SPATS2L: variants seen among roughly 807,000 people sequenced by gnomAD.
SPATS2L encodes the protein SPATS2-like protein.
A neutral mutation model predicts 59.6 loss-of-function variants in SPATS2L; 30 were observed. That is an observed-to-expected ratio of 0.50 (90% CI 0.38 to 0.68). The LOEUF (loss-of-function observed/expected upper bound fraction) is 0.68, where lower values mean the gene tolerates loss of function less well. SPATS2L is among the 30% of genes least tolerant of loss of function. The probability of loss-of-function intolerance (pLI) is 0.00; values close to 1 mark genes in which losing one functional copy is unlikely to be tolerated. For synonymous variants in SPATS2L, 252 were observed against 263.5 expected, an observed-to-expected ratio of 0.96 and a Z score of 0.42; for missense variants, 615 against 700.0, an observed-to-expected ratio of 0.88 and a Z score of 1.37.
intron 1 of SPATS2L, among the ~76,000 whole-genome samples, chr2:200,315,009 G>T (rs370176385): frequency 1.3e-5 from 2 of 152,090 alleles, no homozygotes; most frequent in Non-Finnish European, 2.9e-5. Context: ...GCGACATAAA[G>T]AAATAATAAA....
intron 2 of SPATS2L, chr2:200,373,271 A>C (rs2081488997): frequency 1.4e-3 from 2 of 1,466 alleles, no homozygotes; most frequent in Non-Finnish European, 3.4e-3. Context: ...CTGCCTTAAC[A>C]AAAAAAAAAA....
intron 4 of SPATS2L, among the ~76,000 whole-genome samples, chr2:200,415,259 A>G (rs1232217843): frequency 6.6e-6 from 1 of 152,214 alleles, no homozygotes; most frequent in Non-Finnish European, 1.5e-5. Flanking sequence ...ATAGATAGGA[A>G]TTATTAGCCT....
chr2:200,424,819 G>A (rs1268974410), intron 6 of SPATS2L, among the ~76,000 whole-genome samples: 1 of 152,094 alleles, frequency 6.6e-6, no homozygotes, highest in African/African-American at 2.4e-5. Flanking sequence ...TCCCTCTCTT[G>A]AGCTCCTGTT....
At chr2:200,331,489 T>A (rs2079941617) in intron 2 of SPATS2L, among the ~76,000 whole-genome samples, 1 of 152,234 alleles carries the variant, frequency 6.6e-6, no homozygotes, top group Non-Finnish European at 1.5e-5. Context: ...ACTATTCTTG[T>A]TGTTATCAAA....
chr2:200,307,205 G>C (rs1018742208), intron 1 of SPATS2L, among the ~76,000 whole-genome samples: 1 of 151,546 alleles, frequency 6.6e-6, no homozygotes, highest in Admixed American at 6.6e-5. Flanking sequence ...GGCGCTCCCC[G>C]GGCGAGCGTG....
chr2:200,427,016 T>C (rs2083621221), intron 6 of SPATS2L, among the ~76,000 whole-genome samples: 1 of 152,128 alleles, frequency 6.6e-6, no homozygotes, highest in Non-Finnish European at 1.5e-5. Context: ...CTCTTCTCTT[T>C]CTCATTCAAG....
At chr2:200,412,868 A>G (rs2082927249) in intron 4 of SPATS2L, among the ~76,000 whole-genome samples, 1 of 151,982 alleles carries the variant, frequency 6.6e-6, no homozygotes, top group African/African-American at 2.4e-5. Flanking sequence ...CCTGGGAAAC[A>G]TGGTGAAACC....
intron 2 of SPATS2L, among the ~76,000 whole-genome samples, chr2:200,340,929 G>A (rs1219592099): frequency 1.3e-5 from 2 of 152,060 alleles, no homozygotes; most frequent in African/African-American, 2.4e-5. Flanking sequence ...GAGAAATAGC[G>A]AATTTCTCTG....
intron 1 of SPATS2L, among the ~76,000 whole-genome samples, chr2:200,324,657 G>A (rs1017460455): frequency 1.1e-4 from 17 of 152,148 alleles, no homozygotes; most frequent in African/African-American, 4.1e-4. Flanking sequence ...TGAGAGAAGG[G>A]AGAACTGAAG....
At chr2:200,388,438 G>A (rs923487816) in intron 2 of SPATS2L, among the ~76,000 whole-genome samples, 1 of 152,074 alleles carries the variant, frequency 6.6e-6, no homozygotes, top group Non-Finnish European at 1.5e-5. Context: ...TGAGTGTGGT[G>A]GTGCATACCT....
At chr2:200,457,702 G>A (rs1294149235) in intron 8 of SPATS2L, among the ~76,000 whole-genome samples, 5 of 152,238 alleles carry the variant, frequency 3.3e-5, no homozygotes, top group Non-Finnish European at 7.3e-5. Flanking sequence ...CATGCACTGT[G>A]CAATTAGTCC....
chr2:200,354,945 T>C (rs2080863349), intron 2 of SPATS2L, among the ~76,000 whole-genome samples: 1 of 152,208 alleles, frequency 6.6e-6, no homozygotes, highest in African/African-American at 2.4e-5. Flanking sequence ...GTTTCGTAGC[T>C]ATACATGACA....
At chr2:200,312,335 G>A (rs2079219016) in intron 1 of SPATS2L, among the ~76,000 whole-genome samples, 2 of 152,162 alleles carry the variant, frequency 1.3e-5, no homozygotes, top group Admixed American at 1.3e-4. Context: ...ACTGCACAGT[G>A]CACCTAGCCG....
chr2:200,326,444 T>C (rs545799481), intron 1 of SPATS2L, among the ~76,000 whole-genome samples: 2 of 152,338 alleles, frequency 1.3e-5, no homozygotes, highest in East Asian at 3.9e-4. Flanking sequence ...TTATCACTAC[T>C]GAAATTTCAA....
intron 2 of SPATS2L, among the ~76,000 whole-genome samples, chr2:200,367,855 G>T (rs1174736577): frequency 1.3e-5 from 2 of 152,114 alleles, no homozygotes; most frequent in African/African-American, 4.8e-5. Flanking sequence ...TCAGATAAAT[G>T]GTTCCTAACT....
At chr2:200,341,102 C>T (rs929840735) in intron 2 of SPATS2L, among the ~76,000 whole-genome samples, 3 of 152,204 alleles carry the variant, frequency 2.0e-5, no homozygotes, top group African/African-American at 7.2e-5. Flanking sequence ...CTTCTTAATT[C>T]TAAAACTGCT....
intron 6 of SPATS2L, among the ~76,000 whole-genome samples, chr2:200,427,788 TTTTG>T (rs903010181): frequency 7.2e-5 from 11 of 152,182 alleles, no homozygotes; most frequent in Non-Finnish European, 1.6e-4. Flanking sequence ...TTCCCCAAAT[TTTTG>T]TTTATTACCC....
chr2:200,445,288 G>A (rs1435766352), intron 8 of SPATS2L, among the ~76,000 whole-genome samples: 1 of 152,190 alleles, frequency 6.6e-6, no homozygotes, highest in Non-Finnish European at 1.5e-5. Flanking sequence ...ACTCCAGCTT[G>A]GGCAGCAGAG....
At chr2:200,310,456 G>A (rs184061146) in intron 1 of SPATS2L, among the ~76,000 whole-genome samples, 2 of 152,216 alleles carry the variant, frequency 1.3e-5, no homozygotes, top group East Asian at 1.9e-4. Context: ...AGCCATCACC[G>A]TTTCTAGGAT....
Sources: gnomAD v4.1 joint callset for allele counts (sites outside exome capture counted in the v4.1 genomes callset) on GRCh38, gnomAD v4.1.1 for gene constraint, MANE v1.5 for transcripts, NCBI Gene and HGNC (gene_info 2026-07-23, HGNC 2026-07-21) for gene names.